Variants in ST6GALNAC5 observed in about 807,000 individuals in gnomAD.
ST6GALNAC5 encodes the protein alpha-N-acetylgalactosaminide alpha-2,6-sialyltransferase 5.
ST6GALNAC5 carries 27 observed loss-of-function variants against 33.6 expected under a neutral mutation model. The ratio of observed to expected loss-of-function variants is 0.80; its 90% CI spans 0.59 to 1.11. ST6GALNAC5 has a LOEUF of 1.11. Ranked by LOEUF, ST6GALNAC5 falls within the 50% of genes least tolerant of loss-of-function variation. The probability of loss-of-function intolerance (pLI) is 0.00; values close to 1 mark genes in which losing one functional copy is unlikely to be tolerated. For missense variants in ST6GALNAC5, 428 were observed against 454.0 expected (o/e 0.94, Z 0.52); for synonymous variants, 194 against 171.2 (o/e 1.13, Z -1.04).
At chr1:76,984,813 C>A (rs1649413167) in intron 2 of ST6GALNAC5, among the ~76,000 whole-genome samples, 1 of 152,180 alleles carries the variant, frequency 6.6e-6, no homozygotes, top group Non-Finnish European at 1.5e-5. Context: ...AAAGCTTATG[C>A]ACTACGATCA....
At chr1:76,879,704 G>C (rs1048834537) in intron 2 of ST6GALNAC5, among the ~76,000 whole-genome samples, 3 of 152,188 alleles carry the variant, frequency 2.0e-5, no homozygotes, top group Non-Finnish European at 2.9e-5. Context: ...GACAGATGTG[G>C]AAAGGCTATG....
chr1:77,030,019 CCTGAATTCTAGG>C (rs1651393468), intron 2 of ST6GALNAC5, among the ~76,000 whole-genome samples: 1 of 152,214 alleles, frequency 6.6e-6, no homozygotes, highest in African/African-American at 2.4e-5. Flanking sequence ...CTGAATGCCT[CCTGAATTCTAGG>C]CTGTTCCATT....
chr1:76,976,706 G>T (rs1035010985), intron 2 of ST6GALNAC5, among the ~76,000 whole-genome samples: 2 of 152,088 alleles, frequency 1.3e-5, no homozygotes, highest in African/African-American at 4.8e-5. Flanking sequence ...ATAAAGTAAT[G>T]CTGTACGATC....
chr1:77,002,198 T>C (rs1412776297), intron 2 of ST6GALNAC5, among the ~76,000 whole-genome samples: 2 of 152,220 alleles, frequency 1.3e-5, no homozygotes. Context: ...GAGATTCAAT[T>C]TCTTCCTGGT....
chr1:77,020,149 C>T (rs764249013), intron 2 of ST6GALNAC5, among the ~76,000 whole-genome samples: 16 of 152,144 alleles, frequency 1.1e-4, no homozygotes, highest in Non-Finnish European at 1.9e-4. Context: ...GTAAATTGGG[C>T]ATGCTTTTTT....
At chr1:76,924,068 A>C (rs1256380533) in intron 2 of ST6GALNAC5, among the ~76,000 whole-genome samples, 1 of 152,120 alleles carries the variant, frequency 6.6e-6, no homozygotes, top group Admixed American at 6.6e-5. Flanking sequence ...GGGTTGTCTT[A>C]ATCTGTGAGT....
In ST6GALNAC5 at chr1:76,870,653, C is replaced by T. The variant is rs564333936; in HGVS notation, c.261+1911C>T. On this transcript the variant is annotated intron_variant, in intron 2 of 4. Coordinates refer to ENST00000477717, the MANE Select transcript of ST6GALNAC5 (RefSeq NM_030965.3). ...AATTTGGAGGGCGGGATGTTGATACCCTACATGGGAAATTGAAATGATATG... is the reference window on the plus strand; with the variant it reads ...AATTTGGAGGGCGGGATGTTGATACTCTACATGGGAAATTGAAATGATATG... Among the ~76,000 whole-genome samples the T allele has an allele frequency of 2.0e-5, 3 of 152,064 alleles. No homozygotes were observed. The South Asian group carries it at 6.2e-4, about 32-fold the overall frequency.
rs1263477272 is a variant in ST6GALNAC5, at chr1:77,013,435, GGTT to G, written c.262-30762_262-30760del. Among the ~76,000 whole-genome samples the G allele has an allele frequency of 2.0e-5, 3 of 152,332 alleles. No homozygotes were observed. In the East Asian group the frequency reaches 5.8e-4, roughly 29 times the overall value. On this transcript the variant is annotated intron_variant, in intron 2 of 4. Coordinates refer to ENST00000477717, the MANE Select transcript of ST6GALNAC5 (RefSeq NM_030965.3). ...AAGGCTTTCTGAGTTTTGGCCAGGAGGTTGTTGTTTGATTTTACGTATCGTCTT... is the reference window on the plus strand; with the variant it reads ...AAGGCTTTCTGAGTTTTGGCCAGGAGGTTGTTTGATTTTACGTATCGTCTT...
At chr1:77,055,937 G>A (rs947329748) in intron 4 of ST6GALNAC5, among the ~76,000 whole-genome samples, 3 of 152,190 alleles carry the variant, frequency 2.0e-5, no homozygotes, top group Admixed American at 6.5e-5. Context: ...GATTCTAAAC[G>A]TTATTATTGC....
intron 2 of ST6GALNAC5, among the ~76,000 whole-genome samples, chr1:76,936,032 C>A (rs1310821462): frequency 6.6e-6 from 1 of 152,000 alleles, no homozygotes; most frequent in African/African-American, 2.4e-5. Context: ...AGAATTAGCT[C>A]CTGTTTGACT....
chr1:76,995,903 A>C (rs1464542647), intron 2 of ST6GALNAC5, among the ~76,000 whole-genome samples: 1 of 152,226 alleles, frequency 6.6e-6, no homozygotes, highest in African/African-American at 2.4e-5. Flanking sequence ...ATGGAGCCGA[A>C]GAGGAGATGA....
chr1:76,955,415 G>A (rs1647918959), intron 2 of ST6GALNAC5, among the ~76,000 whole-genome samples: 2 of 151,324 alleles, frequency 1.3e-5, no homozygotes, highest in African/African-American at 2.5e-5. Context: ...AAAAGGTGAG[G>A]GTAAATTCAG....
At chr1:76,942,093 C>T (rs1392119898) in intron 2 of ST6GALNAC5, among the ~76,000 whole-genome samples, 1 of 152,008 alleles carries the variant, frequency 6.6e-6, no homozygotes, top group African/African-American at 2.4e-5. Context: ...TTTTTCTGTA[C>T]GGGTGCATCA....
chr1:76,937,522 T>C (rs1002582240), intron 2 of ST6GALNAC5, among the ~76,000 whole-genome samples: 2 of 152,032 alleles, frequency 1.3e-5, no homozygotes, highest in East Asian at 1.9e-4. Context: ...GTCTGAGTTA[T>C]AGAGGAAAGA....
intron 2 of ST6GALNAC5, among the ~76,000 whole-genome samples, chr1:76,908,190 A>G (rs1336214165): frequency 1.3e-5 from 2 of 152,144 alleles, no homozygotes; most frequent in African/African-American, 4.8e-5. Context: ...AAAATATACC[A>G]TGAACTGAGT....
chr1:77,065,355 T>C lies in ST6GALNAC5; in HGVS notation c.*2149T>C, dbSNP rs1416654863. 2 of 152,200 alleles carry C rather than the reference T, an allele frequency of 1.3e-5. No individual in the cohort carries two copies. The highest frequency in any genetic ancestry group is 1.3e-4 in the Admixed American group (2 of 15,272). 9.4% of individuals were successfully genotyped at this position (152,200 alleles called of 1,614,324 possible). On this transcript the variant is annotated 3_prime_UTR_variant, in exon 5 of 5. Coordinates refer to ENST00000477717, the MANE Select transcript of ST6GALNAC5 (RefSeq NM_030965.3). ...GTCTATCTTCAGATTTTAGATTTTC[T>C]TTATTAAAAAAACCATCATGGTAGC...
rs766279786 is a variant in ST6GALNAC5 at position 77,044,304 on chromosome 1, T to A, written c.362T>A (p.Ile121Asn). Reference sequence around the variant, plus strand: ...CAGATTGACCAGACAGAGTGTGTCATCCGCATGAATGACGCCCCCACACGC... The same window carrying A: ...CAGATTGACCAGACAGAGTGTGTCAACCGCATGAATGACGCCCCCACACGC... ...GSQIDQTECV[I>N]RMNDAPTRGY... is the part of the protein sequence containing the mutation. The change falls in exon 3 of 5, where the codon ATC becomes AAC. Residue 121 changes from isoleucine to asparagine, a missense_variant. Physicochemically the swap from Ile to Asn is moderately radical, Grantham distance 149. Transcript: ENST00000477717. 1 of 1,613,930 alleles carries A rather than the reference T, an allele frequency of 6.2e-7. No individual in the cohort carries two copies. Among genetic ancestry groups the A allele is most frequent in the South Asian group, 1.1e-5 (1 of 91,068 alleles).
intron 2 of ST6GALNAC5, among the ~76,000 whole-genome samples, chr1:76,923,493 G>C (rs1340011322): frequency 6.6e-6 from 1 of 152,030 alleles, no homozygotes; most frequent in Non-Finnish European, 1.5e-5. Flanking sequence ...AGGAGTTCAA[G>C]ACCAGCCTGG....
chr1:76,973,029 A>G (rs1158638104), intron 2 of ST6GALNAC5, among the ~76,000 whole-genome samples: 1 of 152,088 alleles, frequency 6.6e-6, no homozygotes, highest in Non-Finnish European at 1.5e-5. Flanking sequence ...TAGCAAGGGT[A>G]TTAGTCAATT....
Sources: gnomAD v4.1 joint callset for allele counts (sites outside exome capture counted in the v4.1 genomes callset) on GRCh38, gnomAD v4.1.1 for gene constraint, MANE v1.5 for transcripts, NCBI Gene and HGNC (gene_info 2026-07-23, HGNC 2026-07-21) for gene names.